PIEZO2: variants seen among roughly 807,000 people sequenced by gnomAD.
The protein encoded by PIEZO2 is piezo-type mechanosensitive ion channel component 2.
PIEZO2 carries 172 observed loss-of-function variants against 337.3 expected under a neutral mutation model. The ratio of observed to expected loss-of-function variants is 0.51; its 90% CI spans 0.45 to 0.58. The LOEUF (loss-of-function observed/expected upper bound fraction) is 0.58, where lower values mean the gene tolerates loss of function less well. Ranked by LOEUF, PIEZO2 falls within the 20% of genes least tolerant of loss-of-function variation. The pLI is 0.00. For synonymous variants in PIEZO2, 1,251 were observed against 1,228.5 expected (o/e 1.02, Z -0.38); for missense variants, 3,028 against 3,391.3 (o/e 0.89, Z 2.66).
rs773508178 is a variant in PIEZO2 at position 10,705,485 on chromosome 18, G to C, written c.5850C>G (p.Phe1950Leu). ...CCTGCGAGCCGAAGGACAGATGCTC[G>C]AAGCTCACAGCCTTGCTGTAGGAGG... ...APPSYSKAVSFEHLSFGSQDD... is the reference protein window; with the variant it reads ...APPSYSKAVSLEHLSFGSQDD... The change falls in exon 41 of 56, where the codon TTC becomes TTG. Residue 1950 changes from phenylalanine to leucine, a missense_variant. This residue lies in a region of PIEZO2 where 1,925 missense variants were observed against 2,051.9 expected (regional missense o/e 0.94). Coordinates refer to ENST00000674853, the MANE Select transcript of PIEZO2 (RefSeq NM_001378183.1). 1.3e-6 allele frequency: 2 copies of C among 1,537,162 alleles called. No homozygotes were observed. Among genetic ancestry groups the C allele is most frequent in the African/African-American group, 1.4e-5 (1 of 73,048 alleles).
At chr18:11,007,629 A>T (rs1045037758) in intron 2 of PIEZO2, among the ~76,000 whole-genome samples, 24 of 152,216 alleles carry the variant, frequency 1.6e-4, no homozygotes, top group African/African-American at 5.8e-4. Flanking sequence ...AGAGAAAAAG[A>T]ATACATTAAG....
chr18:11,052,621 T>C (rs890069891), intron 2 of PIEZO2, among the ~76,000 whole-genome samples: 3 of 152,230 alleles, frequency 2.0e-5, no homozygotes, highest in African/African-American at 7.2e-5. Context: ...GAGTTACCAC[T>C]CAATAAGATA....
chr18:10,981,771 G>A (rs2034676071), intron 2 of PIEZO2, among the ~76,000 whole-genome samples: 1 of 152,196 alleles, frequency 6.6e-6, no homozygotes, highest in Admixed American at 6.5e-5. Context: ...GATAAAAGCA[G>A]GCAGAGGAAT....
In PIEZO2 at chr18:10,837,989, TG is replaced by T. The variant is rs1288688162; in HGVS notation, c.917+17363del. ...CTGGTCTCGAACTCCTGATCGCAGGTGATCTGTCCGCCTCGGCCTCCCAAAG... is the reference window on the plus strand; with the variant it reads ...CTGGTCTCGAACTCCTGATCGCAGGTATCTGTCCGCCTCGGCCTCCCAAAG... On this transcript the variant is annotated intron_variant, in intron 7 of 55. Transcript: ENST00000674853. This position sits in a 1 kb window ranked among gnomAD's most constrained non-coding sequence, Gnocchi z 4.4. Among the ~76,000 whole-genome samples, 1 of 152,112 alleles carries T rather than the reference TG, an allele frequency of 6.6e-6. No individual in the cohort carries two copies. Among genetic ancestry groups the T allele is most frequent in the Non-Finnish European group, 1.5e-5 (1 of 68,022 alleles).
At chr18:10,749,681 G>T (rs1012270726) in intron 29 of PIEZO2, among the ~76,000 whole-genome samples, 2 of 152,082 alleles carry the variant, frequency 1.3e-5, no homozygotes, top group Admixed American at 1.3e-4. Flanking sequence ...CCCTAGGCTT[G>T]AAGCTCTCTG....
rs372420465 is a variant in PIEZO2, at chr18:10,682,783, A to T, written c.7498-491T>A. On this transcript the variant is annotated intron_variant, in intron 49 of 55. Coordinates refer to ENST00000674853, the MANE Select transcript of PIEZO2 (RefSeq NM_001378183.1). The surrounding 1 kb of genome is among the most constrained non-coding windows in gnomAD (Gnocchi z 5.6). Reference sequence around the variant, plus strand: ...ATTCATGACACGTGTTGTTAAAGACAATGTTGTTCGACACCTAAGGTAAGA... The same window carrying T: ...ATTCATGACACGTGTTGTTAAAGACTATGTTGTTCGACACCTAAGGTAAGA... Among the ~76,000 whole-genome samples the T allele has an allele frequency of 1.5e-5, 1 of 65,266 alleles. No homozygotes were observed. The highest frequency in any genetic ancestry group is 3.9e-5 in the African/African-American group (1 of 25,668). 42.8% of individuals were successfully genotyped at this position (65,266 alleles called of 152,430 possible).
Position 10,714,904 on chromosome 18 carries a change from G to A in PIEZO2, c.5283C>T (p.Ile1761=). 4 of 1,537,192 alleles carry A rather than the reference G, an allele frequency of 2.6e-6. No individual in the cohort carries two copies. The South Asian group carries it at 4.8e-5, about 18-fold the overall frequency. ...KKGNVPTRES[I]HMYYQNHIMN... Reference sequence around the variant, plus strand: ...TGATGTGGTTCTGATAGTACATGTGGATGCTCTCCCGAGTTGGAACATTGC... The same window carrying A: ...TGATGTGGTTCTGATAGTACATGTGAATGCTCTCCCGAGTTGGAACATTGC... Residue 1761 remains isoleucine, a synonymous_variant, in exon 39 of 56, where the codon ATC becomes ATT. Transcript: ENST00000674853.
intron 43 of PIEZO2, among the ~76,000 whole-genome samples, chr18:10,699,505 A>G (rs535591078): frequency 6.6e-6 from 1 of 152,244 alleles, no homozygotes; most frequent in African/African-American, 2.4e-5. Flanking sequence ...GTAAGATGTG[A>G]CTTGCTCCTG....
chr18:10,957,587 A>G (rs1365736682), intron 3 of PIEZO2, among the ~76,000 whole-genome samples: 1 of 152,170 alleles, frequency 6.6e-6, no homozygotes, highest in Non-Finnish European at 1.5e-5. Flanking sequence ...ATAAGGAAAA[A>G]GCTCCACATT....
At chr18:10,918,803 A>C (rs1320126072) in intron 3 of PIEZO2, among the ~76,000 whole-genome samples, 1 of 152,000 alleles carries the variant, frequency 6.6e-6, no homozygotes. Context: ...TAATCACTTT[A>C]CTGCTTATAT....
chr18:10,678,319 AG>A (rs1349634414), intron 52 of PIEZO2, among the ~76,000 whole-genome samples: 3 of 152,220 alleles, frequency 2.0e-5, no homozygotes, highest in African/African-American at 7.2e-5. Context: ...AGCTCTTTAA[AG>A]AAAAGGCTAG....
In PIEZO2 at chr18:10,853,729, C is replaced by T. The variant is rs2041620892; in HGVS notation, c.917+1624G>A. Among the ~76,000 whole-genome samples, 1 of 152,160 alleles carries T rather than the reference C, an allele frequency of 6.6e-6. No homozygotes were observed. Among genetic ancestry groups the T allele is most frequent in the Non-Finnish European group, 1.5e-5 (1 of 68,040 alleles). ...TAACTATTCCTATGTATGTATGTAT[C>T]TATCAATCTATTATGTTGGTTGTTA... is the stretch of plus-strand genomic sequence containing the variant. On this transcript the variant is annotated intron_variant, in intron 7 of 55. Transcript: ENST00000674853. This position sits in a 1 kb window ranked among gnomAD's most constrained non-coding sequence, Gnocchi z 4.2.
chr18:10,690,900 C>G (rs953193129), intron 48 of PIEZO2, among the ~76,000 whole-genome samples: 1 of 152,204 alleles, frequency 6.6e-6, no homozygotes, highest in African/African-American at 2.4e-5. Flanking sequence ...GCTCCACATG[C>G]TGTGTTCTTT....
At chr18:10,798,993 G>A (rs2039709393) in intron 11 of PIEZO2, among the ~76,000 whole-genome samples, 1 of 152,064 alleles carries the variant, frequency 6.6e-6, no homozygotes, top group African/African-American at 2.4e-5. Flanking sequence ...GGTGGGGGTG[G>A]TGGCTGACCT....
At position 10,979,105 on chromosome 18, in the gene PIEZO2, T is replaced by C. The variant is rs1458696299; in HGVS notation, c.286+430A>G. The stretch of plus-strand genomic sequence containing the variant: ...ATAAAAACATGAGAAATTTTAACAT[T>C]GTTCTTTGTAATAGGATTAATGTCA... On this transcript the variant is annotated intron_variant, in intron 3 of 55. Coordinates refer to ENST00000674853, the MANE Select transcript of PIEZO2 (RefSeq NM_001378183.1). This position sits in a 1 kb window ranked among gnomAD's most constrained non-coding sequence, Gnocchi z 4.0. 2.6e-5 allele frequency among the ~76,000 whole-genome samples: 4 copies of C among 152,150 alleles called. No homozygotes were observed. Among genetic ancestry groups the C allele is most frequent in the Admixed American group, 6.5e-5 (1 of 15,278 alleles).
Position 11,078,655 on chromosome 18 carries a change from G to A in PIEZO2, c.65-12433C>T, listed in dbSNP as rs750671650. ...GAATTCAGCCTTGGACTCTGTCTGG[G>A]GATTATGCTTATGATACCATACTAA... On this transcript the variant is annotated intron_variant, in intron 1 of 55. Coordinates refer to ENST00000674853, the MANE Select transcript of PIEZO2 (RefSeq NM_001378183.1). This position sits in a 1 kb window ranked among gnomAD's most constrained non-coding sequence, Gnocchi z 5.3. Among the ~76,000 whole-genome samples the A allele has an allele frequency of 4.6e-5, 7 of 152,072 alleles. No individual in the cohort carries two copies. The highest frequency in any genetic ancestry group is 1.0e-4 in the Non-Finnish European group (7 of 68,014).
At chr18:11,015,639 C>T (rs2036091178) in intron 2 of PIEZO2, among the ~76,000 whole-genome samples, 1 of 152,072 alleles carries the variant, frequency 6.6e-6, no homozygotes, top group Admixed American at 6.5e-5. Context: ...GGGGTGGGCC[C>T]CTTTCCTGCT....
chr18:10,753,892 C>T (rs1226712350), intron 27 of PIEZO2, among the ~76,000 whole-genome samples: 1 of 152,082 alleles, frequency 6.6e-6, no homozygotes, highest in Admixed American at 6.5e-5. Flanking sequence ...CCTTCCTTGA[C>T]TTCATAATGG....
chr18:10,998,915 T>C (rs1322485933), intron 2 of PIEZO2, among the ~76,000 whole-genome samples: 1 of 151,104 alleles, frequency 6.6e-6, no homozygotes, highest in African/African-American at 2.4e-5. Context: ...AGTCAGGAAC[T>C]GGGATTTAAA....
Sources: gnomAD v4.1 joint callset for allele counts (sites outside exome capture counted in the v4.1 genomes callset) on GRCh38, gnomAD v4.1.1 for gene constraint, gnomAD v4.1.1 regional missense constraint, Gnocchi (gnomAD v3.1) non-coding constraint, MANE v1.5 for transcripts, NCBI Gene and HGNC (gene_info 2026-07-23, HGNC 2026-07-21) for gene names.